LGR5: variants seen among roughly 807,000 people sequenced by gnomAD.
The protein encoded by LGR5 is leucine rich repeat containing G protein-coupled receptor 5.
LGR5 carries 54 observed loss-of-function variants against 76.7 expected under a neutral mutation model. That is an observed-to-expected ratio of 0.70 (90% CI 0.57 to 0.88). The LOEUF (loss-of-function observed/expected upper bound fraction) is 0.88. Among genes scored for constraint, LGR5 ranks in the 40% least tolerant of loss-of-function variants. LGR5 has a pLI of 0.00. For missense variants in LGR5, 1,078 were observed against 1,073.3 expected, an observed-to-expected ratio of 1.00 and a Z score of -0.06; for synonymous variants, 406 against 421.9, an observed-to-expected ratio of 0.96 and a Z score of 0.46.
At chr12:71,470,379 T>C (rs527540249) in intron 1 of LGR5, among the ~76,000 whole-genome samples, 1 of 152,312 alleles carries the variant, frequency 6.6e-6, no homozygotes, top group East Asian at 1.9e-4. Context: ...TTGGTTTTCA[T>C]TGTATGTACT....
intron 8 of LGR5, 36 bp from the exon 9 acceptor site, chr12:71,566,368 T>C (rs770006724): frequency 7.5e-7 from 1 of 1,336,824 alleles, no homozygotes; most frequent in Non-Finnish European, 1.1e-6. Context: ...TCAAATTTTA[T>C]ACTAAGATAT....
intron 1 of LGR5, among the ~76,000 whole-genome samples, chr12:71,472,224 C>T (rs1199274572): frequency 1.3e-5 from 2 of 152,174 alleles, no homozygotes; most frequent in Non-Finnish European, 2.9e-5. Flanking sequence ...TTTACTTACT[C>T]ATATACTAAT....
intron 17 of LGR5, 39 bp downstream of exon 17, chr12:71,582,578 A>T: frequency 7.0e-7 from 1 of 1,426,722 alleles, no homozygotes; most frequent in Non-Finnish European, 9.9e-7. Context: ...GGCAGTATCC[A>T]CCACTGATTC....
In LGR5 at chr12:71,556,646, C is replaced by T; in HGVS notation, c.672C>T (p.Ser224=). ...ATCTCCATAACAATAGAATCCACTCCCTGGGAAAGAAATGCTTTGATGGGC... is the reference window on the plus strand; with the variant it reads ...ATCTCCATAACAATAGAATCCACTCTCTGGGAAAGAAATGCTTTGATGGGC... ...VLHLHNNRIH[S]LGKKCFDGLH... is the part of the protein sequence containing the mutation. Residue 224 remains serine, a synonymous_variant, in exon 6 of 18, where the codon TCC becomes TCT. Coordinates refer to ENST00000266674, the MANE Select transcript of LGR5 (RefSeq NM_003667.4). The T allele has an allele frequency of 3.1e-6, 5 of 1,612,466 alleles. No homozygotes were observed. Among genetic ancestry groups the T allele is most frequent in the Non-Finnish European group, 4.2e-6 (5 of 1,178,554 alleles).
Position 71,553,080 on chromosome 12 carries a change from G to A in LGR5, c.436G>A (p.Asp146Asn). Residue 146 changes from aspartate (D) to asparagine (N), a missense_variant, in exon 5 of 18, where the codon GAT becomes AAT. Asp to Asn is a conservative substitution (Grantham distance 23). Coordinates refer to ENST00000266674, the MANE Select transcript of LGR5 (RefSeq NM_003667.4). Reference sequence around the variant, plus strand: ...GCTTTCTTTCTTCCACAGGCGTCTGGATGCTAACCACATCAGCTATGTGCC... The same window carrying A: ...GCTTTCTTTCTTCCACAGGCGTCTGAATGCTAACCACATCAGCTATGTGCC... ...NLRSLQSLRL[D>N]ANHISYVPPS... is the part of the protein sequence containing the mutation. 2 of 1,613,884 alleles carry A rather than the reference G, an allele frequency of 1.2e-6. No individual in the cohort carries two copies. Among genetic ancestry groups the A allele is most frequent in the Non-Finnish European group, 1.7e-6 (2 of 1,179,954 alleles).
intron 1 of LGR5, among the ~76,000 whole-genome samples, chr12:71,502,359 G>A (rs748529110): frequency 7.3e-5 from 11 of 151,598 alleles, no homozygotes; most frequent in East Asian, 1.9e-4. Context: ...CACCATGCCC[G>A]GCTAATTTTT....
intron 1 of LGR5, among the ~76,000 whole-genome samples, chr12:71,462,417 T>C (rs771591210): frequency 1.3e-5 from 2 of 152,176 alleles, no homozygotes; most frequent in Non-Finnish European, 2.9e-5. Flanking sequence ...GATTTGACCT[T>C]TCTGGCCTTA....
intron 4 of LGR5, among the ~76,000 whole-genome samples, chr12:71,541,418 T>C (rs1876874506): frequency 6.6e-6 from 1 of 152,204 alleles, no homozygotes; most frequent in Non-Finnish European, 1.5e-5. Flanking sequence ...TAAATTTTTT[T>C]AAAGCTTGTG....
At chr12:71,544,315 TC>T (rs202163495) in intron 4 of LGR5, among the ~76,000 whole-genome samples, 58,382 of 110,140 alleles carry the variant, frequency 0.53, 13,955 homozygotes, top group East Asian at 0.71. Flanking sequence ...TTCTTCTTCT[TC>T]TTTTTTTTTT....
intron 13 of LGR5, among the ~76,000 whole-genome samples, chr12:71,575,722 A>ATGTGTGTG (rs140264650): frequency 2.9e-4 from 42 of 144,860 alleles, no homozygotes; most frequent in African/African-American, 9.4e-4. Context: ...AAAAATATAT[A>ATGTGTGTG]TGTGTGTGTG....
intron 1 of LGR5, among the ~76,000 whole-genome samples, chr12:71,454,586 A>G (rs1872385355): frequency 1.3e-5 from 2 of 152,156 alleles, no homozygotes; most frequent in African/African-American, 4.8e-5. Context: ...TTAGAAAGAA[A>G]TAAAACAATA....
intron 1 of LGR5, among the ~76,000 whole-genome samples, chr12:71,490,278 T>C (rs1339557790): frequency 6.6e-6 from 1 of 152,236 alleles, no homozygotes; most frequent in African/African-American, 2.4e-5. Context: ...ACTGAGTGGT[T>C]ACAGCATATT....
chr12:71,548,710 C>T (rs1303690789), intron 4 of LGR5, among the ~76,000 whole-genome samples: 1 of 152,024 alleles, frequency 6.6e-6, no homozygotes, highest in Admixed American at 6.6e-5. Flanking sequence ...GATGTGAAAG[C>T]TGAGGTCTGT....
chr12:71,559,106 C>A (rs1452824786), intron 6 of LGR5, among the ~76,000 whole-genome samples: 1 of 152,094 alleles, frequency 6.6e-6, no homozygotes, highest in Non-Finnish European at 1.5e-5. Context: ...ATGTGGGAAC[C>A]CTGTGAAAGT....
chr12:71,447,973 C>A (rs1258389801), intron 1 of LGR5, among the ~76,000 whole-genome samples: 1 of 152,026 alleles, frequency 6.6e-6, no homozygotes, highest in East Asian at 1.9e-4. Flanking sequence ...GTCCTTTTTT[C>A]CGTGTTGCTC....
chr12:71,443,248 T>C (rs1592446627), intron 1 of LGR5, among the ~76,000 whole-genome samples: 1 of 152,226 alleles, frequency 6.6e-6, no homozygotes, highest in Admixed American at 6.5e-5. Context: ...CTACATCTCT[T>C]CACAGAATGC....
chr12:71,556,480 A>C (rs1877770231), intron 5 of LGR5, 139 bp from the exon 6 acceptor site: 2 of 635,862 alleles, frequency 3.1e-6, no homozygotes, highest in East Asian at 2.7e-5. Flanking sequence ...GAGTGAATGC[A>C]GCATATAGCC....
intron 1 of LGR5, among the ~76,000 whole-genome samples, chr12:71,458,625 A>G (rs991163451): frequency 3.9e-5 from 6 of 152,150 alleles, no homozygotes; most frequent in African/African-American, 7.2e-5. Context: ...GATGGCGACT[A>G]TTATGAGTAA....
At chr12:71,526,333 G>T (rs1876001590) in intron 3 of LGR5, among the ~76,000 whole-genome samples, 2 of 152,132 alleles carry the variant, frequency 1.3e-5, no homozygotes, top group South Asian at 2.1e-4. Flanking sequence ...TTCTTAAGGT[G>T]CATTTTACCT....
Sources: allele counts gnomAD v4.1 joint callset (sites outside exome capture counted in the v4.1 genomes callset), GRCh38; gene constraint gnomAD v4.1.1; transcripts MANE v1.5; gene names NCBI Gene and HGNC (gene_info 2026-07-23, HGNC 2026-07-21).